MUTYH: variants seen among roughly 807,000 people sequenced by gnomAD.
The protein encoded by MUTYH is mutY DNA glycosylase, also known as adenine DNA glycosylase.
MUTYH carries 64 observed loss-of-function variants against 72.9 expected under a neutral mutation model. That is an observed-to-expected ratio of 0.88 (90% CI 0.72 to 1.08). The LOEUF (loss-of-function observed/expected upper bound fraction) is 1.08, where lower values mean the gene tolerates loss of function less well. Among genes scored for constraint, MUTYH ranks in the 50% least tolerant of loss-of-function variants. MUTYH has a pLI of 0.00. For synonymous variants in MUTYH, 234 were observed against 263.1 expected, an observed-to-expected ratio of 0.89 and a Z score of 1.07; for missense variants, 633 against 671.0, an observed-to-expected ratio of 0.94 and a Z score of 0.63.
At chr1:45,339,779 C>T in intron 1 of MUTYH, 120 bp downstream of exon 1, 3 of 1,181,082 alleles carry the variant, frequency 2.5e-6, no homozygotes, top group African/African-American at 3.2e-5. Flanking sequence ...ATGCCCAGAA[C>T]GCCCTTCTTT....
rs567135624 is a variant in MUTYH at position 45,332,500 on chromosome 1, G to A, written c.607-12C>T. On this transcript the variant is annotated splice_polypyrimidine_tract_variant and intron_variant, in intron 8 of 15. Coordinates refer to ENST00000456914, the MANE Select transcript of MUTYH (RefSeq NM_001048174.2). ...ACCACACCGGTTGCCTGGCACAGAG[G>A]GGCCAAAGAGTTAGCCTGGGCTGGG... The A allele has an allele frequency of 1.2e-6, 2 of 1,614,098 alleles. No individual in the cohort carries two copies. The highest frequency in any genetic ancestry group is 1.3e-5 in the African/African-American group (1 of 75,054).
chr1:45,340,188 CGCCAGGA>C (rs751535575), upstream of MUTYH: 29 of 1,613,088 alleles, frequency 1.8e-5, no homozygotes, highest in South Asian at 3.0e-4. Context: ...GCCTGAACCG[CGCCAGGA>C]GACGGACCGC....
intron 1 of MUTYH, 101 bp from the exon 2 acceptor site, chr1:45,334,612 T>C: frequency 6.5e-7 from 1 of 1,538,794 alleles, no homozygotes; most frequent in Non-Finnish European, 8.9e-7. Context: ...ACCATTCACA[T>C]GGGGTCCAGC....
chr1:45,334,597 C>T, intron 1 of MUTYH, 86 bp from the exon 2 acceptor site: 1 of 1,567,732 alleles, frequency 6.4e-7, no homozygotes, highest in South Asian at 1.1e-5. Context: ...ATCTCCCTCT[C>T]ATCCACCATT....
intron 14 of MUTYH, among the ~76,000 whole-genome samples, 163 bp from the exon 15 acceptor site, chr1:45,330,720 C>T (rs1557452918): frequency 1.3e-5 from 2 of 152,082 alleles, no homozygotes; most frequent in Admixed American, 6.5e-5. Context: ...GAGGCCAAGT[C>T]GGGTGGATCA....
chr1:45,334,114 C>T (rs1570456899), intron 2 of MUTYH: 1 of 429,280 alleles, frequency 2.3e-6, no homozygotes, highest in African/African-American at 2.0e-5. Flanking sequence ...TCAAGCGATC[C>T]TGTCACCTCA....
Position 45,331,804 on chromosome 1 carries a change from G to A in MUTYH, c.959C>T (p.Pro320Leu), listed in dbSNP as rs780178101. 15 of 1,611,152 alleles carry A rather than the reference G, an allele frequency of 9.3e-6. No homozygotes were observed. Among genetic ancestry groups the A allele is most frequent in the South Asian group, 4.4e-5 (4 of 90,842 alleles). ...GACCACTCCCAGGGTCTGGTCCCAGGGCTCCGAGGGAGGCAGGCACAGGTG... is the reference window on the plus strand; with the variant it reads ...GACCACTCCCAGGGTCTGGTCCCAGAGCTCCGAGGGAGGCAGGCACAGGTG... ...QCHLCLPPSEPWDQTLGVVNF... is the reference protein window; with the variant it reads ...QCHLCLPPSELWDQTLGVVNF... The change falls in exon 12 of 16, where the codon CCC becomes CTC. Residue 320 changes from proline to leucine, a missense_variant. By Grantham distance (98) the Pro-to-Leu change is moderately conservative. Transcript: ENST00000456914.
In MUTYH at chr1:45,332,301, G is replaced by A. The variant is rs1645054013; in HGVS notation, c.714C>T (p.Ala238=). 6.2e-7 allele frequency: 1 copy of A among 1,614,068 alleles called. No homozygotes were observed. The highest frequency in any genetic ancestry group is 2.2e-5 in the East Asian group (1 of 44,882). Residue 238 remains alanine, a synonymous_variant, in exon 10 of 16, where the codon GCC becomes GCT. Transcript: ENST00000456914. ...GCCGGGCTGGGTCCACCAGCTGCTG[G>A]GCTAGACCCCTAAAAGAAGGGAACA... The part of the protein sequence containing the change: ...TLVSQQLWGL[A]QQLVDPARPG...
chr1:45,334,197 C>A, intron 2 of MUTYH, 194 bp downstream of exon 2: 1 of 720,578 alleles, frequency 1.4e-6, no homozygotes. Flanking sequence ...CCATGTTACC[C>A]AAGCTGGTCT....
chr1:45,340,383 G>A (rs1283325382), upstream of MUTYH: 2 of 1,551,650 alleles, frequency 1.3e-6, no homozygotes, highest in East Asian at 2.4e-5. Context: ...TAGTTCTAGA[G>A]GCTCCTCAAG....
Position 45,334,530 on chromosome 1 carries a change from G to C in MUTYH, c.-6-19C>G. Reference sequence around the variant, plus strand: ...TGATGGCCTGAAACAAAAAGACCCAGCCAAAGCAGTCAGTCACAATGAGGC... The same window carrying C: ...TGATGGCCTGAAACAAAAAGACCCACCCAAAGCAGTCAGTCACAATGAGGC... On this transcript the variant is annotated intron_variant, in intron 1 of 15. Coordinates refer to ENST00000456914, the MANE Select transcript of MUTYH (RefSeq NM_001048174.2). The C allele has an allele frequency of 6.2e-7, 1 of 1,613,912 alleles. No homozygotes were observed. The highest frequency in any genetic ancestry group is 8.5e-7 in the Non-Finnish European group (1 of 1,179,856).
In MUTYH at chr1:45,332,311, C is replaced by G; in HGVS notation, c.705-1G>C. On this transcript the variant is annotated splice_acceptor_variant, in intron 9 of 15. Coordinates refer to ENST00000456914, the MANE Select transcript of MUTYH (RefSeq NM_001048174.2). LOFTEE classifies it high-confidence loss of function. The stretch of plus-strand genomic sequence containing the variant: ...GTCCACCAGCTGCTGGGCTAGACCC[C>G]TAAAAGAAGGGAACACTGCTGTGAA... 3 of 1,614,106 alleles carry G rather than the reference C, an allele frequency of 1.9e-6. No homozygotes were observed. The highest frequency in any genetic ancestry group is 2.5e-6 in the Non-Finnish European group (3 of 1,180,000).
chr1:45,338,860 G>A (rs529025981), intron 1 of MUTYH, among the ~76,000 whole-genome samples: 2 of 152,080 alleles, frequency 1.3e-5, no homozygotes, highest in East Asian at 3.9e-4. Context: ...CGACCTCCTG[G>A]GCTCAAGCCA....
rs373766973 is a variant in MUTYH at position 45,333,415 on chromosome 1, G to C, written c.262C>G (p.Arg88Gly). 1 of 1,614,130 alleles carries C rather than the reference G, an allele frequency of 6.2e-7. No individual in the cohort carries two copies. Among genetic ancestry groups the C allele is most frequent in the Non-Finnish European group, 8.5e-7 (1 of 1,179,984 alleles). ...QEKRDLPWRR[R>G]AEDEMDLDRR... ...GTCCCTGCTCCTCGCCTGCCTACCC[G>C]TCTTCTCCATGGTAGGTCCCGTTTC... Residue 88 changes from arginine to glycine, a missense_variant and splice_region_variant, in exon 3 of 16, where the codon CGG becomes GGG. Coordinates refer to ENST00000456914, the MANE Select transcript of MUTYH (RefSeq NM_001048174.2).
Position 45,337,814 on chromosome 1 carries a change from C to G in MUTYH, c.-7+2085G>C, listed in dbSNP as rs1010528030. On this transcript the variant is annotated intron_variant, in intron 1 of 15. Transcript: ENST00000456914. Reference sequence around the variant, plus strand: ...GCAGTTTTAGGCACTTGGCATACTTCAGTAAATAAAACATCAAAAGTTCCT... The same window carrying G: ...GCAGTTTTAGGCACTTGGCATACTTGAGTAAATAAAACATCAAAAGTTCCT... Among the ~76,000 whole-genome samples the G allele has an allele frequency of 2.0e-5, 3 of 152,144 alleles. No individual in the cohort carries two copies. The East Asian group carries it at 5.8e-4, about 29-fold the overall frequency.
rs1173077682 is a variant in MUTYH, at chr1:45,331,944, T to C, written c.913+79A>G. 16 of 1,612,902 alleles carry C rather than the reference T, an allele frequency of 9.9e-6. No individual in the cohort carries two copies. The South Asian group carries it at 1.3e-4, about 13-fold the overall frequency. On this transcript the variant is annotated intron_variant, in intron 11 of 15. Transcript: ENST00000456914. ...TTGGCCGGGTTCTGCAGAATCTTAC[T>C]CAGGTTAGAGGAAGAACTGGAATGG...
rs151144295 is a variant in MUTYH at position 45,331,202 on chromosome 1, C to G, written c.1372G>C (p.Val458Leu). Residue 458 changes from valine to leucine, a missense_variant, in exon 14 of 16, where the codon GTT becomes CTT. Coordinates refer to ENST00000456914, the MANE Select transcript of MUTYH (RefSeq NM_001048174.2). ...LTQEEFHTAAVSTAMKKVFRV... is the reference protein window; with the variant it reads ...LTQEEFHTAALSTAMKKVFRV... ...AGTGCCTTTTTCATGGCGGTGGAAA[C>G]AGCTGCGGTGTGAAATTCCTCCTGC... The G allele has an allele frequency of 1.2e-6, 2 of 1,614,196 alleles. No individual in the cohort carries two copies. Among genetic ancestry groups the G allele is most frequent in the African/African-American group, 2.7e-5 (2 of 75,038 alleles).
At chr1:45,332,871 C>A (rs2149159670) in intron 6 of MUTYH, 37 bp from the exon 7 acceptor site, 1 of 1,614,126 alleles carries the variant, frequency 6.2e-7, no homozygotes, top group Non-Finnish European at 8.5e-7. Context: ...GATCACCCGT[C>A]AGTCCCTCTA....
At chr1:45,335,299 G>C (rs138224183) in intron 1 of MUTYH, among the ~76,000 whole-genome samples, 2 of 152,060 alleles carry the variant, frequency 1.3e-5, no homozygotes, top group African/African-American at 4.8e-5. Flanking sequence ...AGGAAATTGA[G>C]GTTTATGGAG....
Sources: gnomAD v4.1 joint callset for allele counts (sites outside exome capture counted in the v4.1 genomes callset) on GRCh38, gnomAD v4.1.1 for gene constraint, MANE v1.5 for transcripts, NCBI Gene and HGNC (gene_info 2026-07-23, HGNC 2026-07-21) for gene names.